The following HIVEP2 variants were observed in gnomAD, a reference collection of about 807,000 sequenced individuals.
HIVEP2 encodes the protein HIVEP zinc finger 2.
Under a neutral mutation model 180.7 loss-of-function variants are expected in HIVEP2, and 14 were observed. That is an observed-to-expected ratio of 0.08 (90% CI 0.05 to 0.12). The LOEUF (loss-of-function observed/expected upper bound fraction) is 0.12, where lower values mean the gene tolerates loss of function less well. Ranked by LOEUF, HIVEP2 falls within the 10% of genes least tolerant of loss-of-function variation. HIVEP2 has a pLI of 1.00. For synonymous variants in HIVEP2, 1,184 were observed against 1,136.4 expected (o/e 1.04, Z -0.84); for missense variants, 2,579 against 3,008.5 (o/e 0.86, Z 3.34).
intron 1 of HIVEP2, among the ~76,000 whole-genome samples, chr6:142,842,426 A>T (rs919550913): frequency 1.3e-5 from 2 of 152,098 alleles, no homozygotes; most frequent in Non-Finnish European, 2.9e-5. Flanking sequence ...AGAATTCTAG[A>T]CTCTGTACTG....
chr6:142,921,337 ACCAGCCTGG>A (rs1394337309), intron 1 of HIVEP2, among the ~76,000 whole-genome samples: 3 of 152,248 alleles, frequency 2.0e-5, no homozygotes, highest in Non-Finnish European at 2.9e-5. Flanking sequence ...GGAGTTCGAG[ACCAGCCTGG>A]CCAACATGGC....
At chr6:142,776,439 A>T (rs1775702069) in intron 3 of HIVEP2, among the ~76,000 whole-genome samples, 1 of 152,244 alleles carries the variant, frequency 6.6e-6, no homozygotes, top group African/African-American at 2.4e-5. Flanking sequence ...TTTCTAAGAC[A>T]TAAGATTATT....
At chr6:142,833,182 C>A (rs1014847467) in intron 2 of HIVEP2, among the ~76,000 whole-genome samples, 1 of 152,120 alleles carries the variant, frequency 6.6e-6, no homozygotes, top group Admixed American at 6.5e-5. Flanking sequence ...TAAAACCAAC[C>A]CCCCCACCAT....
intron 1 of HIVEP2, among the ~76,000 whole-genome samples, chr6:142,904,218 A>G (rs1777205676): frequency 6.6e-6 from 1 of 152,310 alleles, no homozygotes; most frequent in Non-Finnish European, 1.5e-5. Context: ...ATTTGAGGAC[A>G]CACATTCTAC....
chr6:142,854,282 A>G (rs1336052239), intron 1 of HIVEP2, among the ~76,000 whole-genome samples: 1 of 152,114 alleles, frequency 6.6e-6, no homozygotes, highest in African/African-American at 2.4e-5. Flanking sequence ...GAGGCCAGGG[A>G]TGCTGGTAAG....
At chr6:142,834,754 A>T (rs1030947796) in intron 2 of HIVEP2, among the ~76,000 whole-genome samples, 2 of 152,100 alleles carry the variant, frequency 1.3e-5, no homozygotes, top group African/African-American at 4.8e-5. Flanking sequence ...TACTTTGCAA[A>T]CTGTTTTCTA....
chr6:142,928,956 A>C (rs1777880203), intron 1 of HIVEP2, among the ~76,000 whole-genome samples: 1 of 152,230 alleles, frequency 6.6e-6, no homozygotes, highest in Non-Finnish European at 1.5e-5. Flanking sequence ...ACTGTATCAA[A>C]TGATTCTTGA....
chr6:142,944,576 T>C (rs1778264785), intron 1 of HIVEP2, among the ~76,000 whole-genome samples: 2 of 152,290 alleles, frequency 1.3e-5, no homozygotes, highest in African/African-American at 2.4e-5. Context: ...TCTGCTTTGA[T>C]AGCAGCCGGC....
chr6:142,878,371 T>G (rs1582935093), intron 1 of HIVEP2, among the ~76,000 whole-genome samples: 2 of 152,310 alleles, frequency 1.3e-5, no homozygotes, highest in Admixed American at 1.3e-4. Context: ...CACAGCTAAA[T>G]GGCAACGAAT....
chr6:142,921,612 C>T (rs1777684683), intron 1 of HIVEP2, among the ~76,000 whole-genome samples: 1 of 152,108 alleles, frequency 6.6e-6, no homozygotes, highest in African/African-American at 2.4e-5. Context: ...TCATTATGAA[C>T]TAAAAATCCC....
intron 9 of HIVEP2, among the ~76,000 whole-genome samples, chr6:142,756,797 T>TTATCTATCTATCTATC (rs10660970): frequency 1.3e-5 from 2 of 149,910 alleles, no homozygotes; most frequent in East Asian, 2.0e-4. Context: ...AAAAGATACC[T>TTATCTATCTATCTATC]TATCTATCTA....
chr6:142,922,306 C>G (rs568043922), intron 1 of HIVEP2, among the ~76,000 whole-genome samples: 2 of 152,344 alleles, frequency 1.3e-5, no homozygotes, highest in East Asian at 3.9e-4. Flanking sequence ...CTTCTTTTCA[C>G]CCTCTGCTTC....
rs761966915 is a variant in HIVEP2, at chr6:142,769,890, C to G, written c.4849G>C (p.Gly1617Arg). ...MLVRMASAPS[G>R]NVADSTLLLT... ...AGAAGAGTTGAGTCTGCCACGTTCC[C>G]GCTGGGGGCAGAGGCCATGCGGACC... The change falls in exon 5 of 10, where the codon GGG becomes CGG. Residue 1617 changes from glycine to arginine, a missense_variant. Physicochemically the swap from Gly to Arg is moderately radical, Grantham distance 125. Around this residue, in one of 11 missense-constraint regions of HIVEP2, gnomAD observed 349 missense variants for 367.2 expected, o/e 0.95. Transcript: ENST00000367603. 2 of 1,614,070 alleles carry G rather than the reference C, an allele frequency of 1.2e-6. No homozygotes were observed. Among genetic ancestry groups the G allele is most frequent in the Non-Finnish European group, 1.7e-6 (2 of 1,180,038 alleles).
intron 1 of HIVEP2, among the ~76,000 whole-genome samples, chr6:142,927,665 T>C (rs914189590): frequency 2.6e-5 from 4 of 152,250 alleles, no homozygotes; most frequent in African/African-American, 7.2e-5. Context: ...CTTATACTTA[T>C]CCACTTTAAT....
chr6:142,826,476 T>C (rs531255758), intron 2 of HIVEP2, among the ~76,000 whole-genome samples: 2 of 152,294 alleles, frequency 1.3e-5, no homozygotes, highest in Admixed American at 1.3e-4. Context: ...CCTGAGGATA[T>C]TTACATGTAC....
chr6:142,779,197 C>A (rs1775779644), intron 3 of HIVEP2, among the ~76,000 whole-genome samples: 1 of 152,120 alleles, frequency 6.6e-6, no homozygotes, highest in Non-Finnish European at 1.5e-5. Flanking sequence ...TCCCAAGTAG[C>A]TCCTAAGCCA....
chr6:142,930,982 T>A (rs1777931844), intron 1 of HIVEP2, among the ~76,000 whole-genome samples: 1 of 152,140 alleles, frequency 6.6e-6, no homozygotes, highest in Non-Finnish European at 1.5e-5. Flanking sequence ...AAAATCAAAG[T>A]ACCCACTCAG....
chr6:142,915,381 C>G (rs1204656703), intron 1 of HIVEP2, among the ~76,000 whole-genome samples: 2 of 152,076 alleles, frequency 1.3e-5, no homozygotes, highest in Non-Finnish European at 2.9e-5. Context: ...TAATGAGGAG[C>G]CCAGGAACAA....
chr6:142,757,106 A>C (rs1002464215), intron 9 of HIVEP2, among the ~76,000 whole-genome samples: 1 of 152,156 alleles, frequency 6.6e-6, no homozygotes, highest in Non-Finnish European at 1.5e-5. Flanking sequence ...TGTGTTGGCT[A>C]TGATCACCAT....
Sources: gnomAD v4.1 joint callset for allele counts (sites outside exome capture counted in the v4.1 genomes callset) on GRCh38, gnomAD v4.1.1 for gene constraint, gnomAD v4.1.1 regional missense constraint, MANE v1.5 for transcripts, NCBI Gene and HGNC (gene_info 2026-07-23, HGNC 2026-07-21) for gene names.